The following COL13A1 variants were observed in gnomAD, a reference collection of about 807,000 sequenced individuals.
COL13A1 encodes collagen alpha-1(XIII) chain.
In COL13A1, 89 loss-of-function variants were observed where a neutral mutation model predicts 130.9. The observed-to-expected ratio is 0.68, with a 90% CI of 0.57 to 0.81. COL13A1 has a LOEUF of 0.81. Ranked by LOEUF, COL13A1 falls within the 30% of genes least tolerant of loss-of-function variation. The pLI, the probability that COL13A1 is intolerant of heterozygous loss-of-function variation, is 0.00. For synonymous variants in COL13A1, 402 were observed against 341.6 expected (o/e 1.18, Z -1.95); for missense variants, 879 against 934.6 (o/e 0.94, Z 0.78).
intron 10 of COL13A1, 118 bp from the exon 11 acceptor site, chr10:69,894,434 T>C: frequency 8.3e-7 from 1 of 1,207,462 alleles, no homozygotes; most frequent in Non-Finnish European, 1.2e-6. Flanking sequence ...TGGGAAGACC[T>C]GGCCATGGCT....
chr10:69,866,653 T>A (rs1200576841), intron 2 of COL13A1, among the ~76,000 whole-genome samples: 1 of 152,038 alleles, frequency 6.6e-6, no homozygotes, highest in Non-Finnish European at 1.5e-5. Flanking sequence ...GCTCTACACC[T>A]CTTGACTTTT....
At chr10:69,804,216 A>C (rs2132033759) in intron 1 of COL13A1, among the ~76,000 whole-genome samples, 1 of 150,346 alleles carries the variant, frequency 6.7e-6, no homozygotes, top group African/African-American at 2.4e-5. Context: ...GGGCAGTGAG[A>C]GCTCCTCCAG....
intron 1 of COL13A1, among the ~76,000 whole-genome samples, chr10:69,813,165 A>G (rs892904112): frequency 1.3e-5 from 2 of 152,164 alleles, no homozygotes; most frequent in Admixed American, 1.3e-4. Flanking sequence ...GAGGTCCCCA[A>G]CATTCACCCC....
intron 14 of COL13A1, among the ~76,000 whole-genome samples, chr10:69,902,371 T>A (rs1388729951): frequency 6.6e-6 from 1 of 151,884 alleles, no homozygotes; most frequent in Non-Finnish European, 1.5e-5. Flanking sequence ...ACAGGGAGGG[T>A]GACAGAGGCA....
chr10:69,915,137 A>G (rs1214941631), intron 17 of COL13A1, among the ~76,000 whole-genome samples: 1 of 152,254 alleles, frequency 6.6e-6, no homozygotes, highest in Non-Finnish European at 1.5e-5. Context: ...GTCCTCTGTG[A>G]GCCGCAGTTA....
chr10:69,814,266 G>A (rs111579536), intron 1 of COL13A1, among the ~76,000 whole-genome samples: 2 of 152,356 alleles, frequency 1.3e-5, no homozygotes, highest in African/African-American at 4.8e-5. Context: ...CAGGGCTGCA[G>A]GTCAGACCCT....
At chr10:69,904,675 T>C (rs1280924416) in intron 15 of COL13A1, among the ~76,000 whole-genome samples, 5 of 152,182 alleles carry the variant, frequency 3.3e-5, no homozygotes, top group African/African-American at 4.8e-5. Context: ...CTACTTTCCA[T>C]GGGTGAGCAC....
chr10:69,848,732 A>G (rs1202719599), intron 2 of COL13A1, among the ~76,000 whole-genome samples: 3 of 152,332 alleles, frequency 2.0e-5, no homozygotes, highest in Non-Finnish European at 4.4e-5. Flanking sequence ...TTGGATCAGA[A>G]AGAGATGCCC....
At chr10:69,916,081 G>C (rs1319497947) in intron 17 of COL13A1, among the ~76,000 whole-genome samples, 4 of 152,218 alleles carry the variant, frequency 2.6e-5, no homozygotes, top group Admixed American at 1.3e-4. Flanking sequence ...GGAGGAAGAG[G>C]GTGGAAGTCC....
Position 69,894,693 on chromosome 10 carries a change from G to T in COL13A1, c.649G>T (p.Gly217Ter). 6.2e-7 allele frequency: 1 copy of T among 1,614,042 alleles called. No homozygotes were observed. Among genetic ancestry groups the T allele is most frequent in the African/African-American group, 1.3e-5 (1 of 75,062 alleles). Residue 217 changes from glycine to a stop codon, truncating the protein, a stop_gained, in exon 12 of 41, where the codon GGA becomes TGA. Coordinates refer to ENST00000645393, the MANE Select transcript of COL13A1 (RefSeq NM_001368882.1). LOFTEE classifies it high-confidence loss of function. ...PGQPGPQGQK[G>*]EKGQCGEYPH... Reference sequence around the variant, plus strand: ...TTTGTAGGGACCCCAGGGACAAAAAGGAGAAAAGGTAAGAGCAGTGGAGGT... The same window carrying T: ...TTTGTAGGGACCCCAGGGACAAAAATGAGAAAAGGTAAGAGCAGTGGAGGT...
intron 7 of COL13A1, among the ~76,000 whole-genome samples, chr10:69,881,770 G>A (rs1396769389): frequency 4.6e-5 from 7 of 152,134 alleles, no homozygotes; most frequent in Non-Finnish European, 1.0e-4. Flanking sequence ...ACTTTTACAC[G>A]TATTCACTCA....
chr10:69,824,036 G>T, intron 2 of COL13A1: 1 of 467,278 alleles, frequency 2.1e-6, no homozygotes, highest in South Asian at 1.6e-5. Flanking sequence ...CTGGTCAAGG[G>T]CAGGATATTT....
chr10:69,926,991 G>A (rs2065453778), intron 26 of COL13A1, 96 bp from the exon 27 acceptor site: 2 of 1,569,748 alleles, frequency 1.3e-6, no homozygotes, highest in Non-Finnish European at 1.8e-6. Flanking sequence ...CTCCTTTGAG[G>A]GGCCTAGCTC....
chr10:69,938,458 C>T (rs867647705), intron 34 of COL13A1, among the ~76,000 whole-genome samples: 63 of 152,228 alleles, frequency 4.1e-4, no homozygotes, highest in Middle Eastern at 3.4e-3. Context: ...GGGATGTTAG[C>T]GATCCATCCC....
chr10:69,932,539 A>C (rs1459439958), intron 30 of COL13A1, 21 bp from the exon 31 acceptor site: 1 of 1,599,118 alleles, frequency 6.3e-7, no homozygotes, highest in African/African-American at 1.3e-5. Context: ...GCATTCATGC[A>C]GTGGTGTTTT....
At chr10:69,945,422 C>A (rs2068349962) in intron 36 of COL13A1, among the ~76,000 whole-genome samples, 1 of 152,220 alleles carries the variant, frequency 6.6e-6, no homozygotes, top group African/African-American at 2.4e-5. Flanking sequence ...AGGCCCAGGA[C>A]ACCACGGGTC....
chr10:69,821,088 AG>A (rs1445475183), intron 1 of COL13A1, among the ~76,000 whole-genome samples: 4 of 152,258 alleles, frequency 2.6e-5, no homozygotes, highest in African/African-American at 9.6e-5. Flanking sequence ...CAACCTTGTC[AG>A]GGTAGGGACT....
intron 14 of COL13A1, 89 bp downstream of exon 14, chr10:69,898,851 C>T (rs1208005149): frequency 2.0e-6 from 2 of 991,374 alleles, no homozygotes; most frequent in African/African-American, 3.3e-5. Flanking sequence ...CAGAACCTCT[C>T]TCTAATTCAG....
intron 2 of COL13A1, among the ~76,000 whole-genome samples, chr10:69,834,821 C>T (rs1414178113): frequency 2.0e-5 from 3 of 152,190 alleles, no homozygotes; most frequent in Non-Finnish European, 2.9e-5. Context: ...CATGGAAATG[C>T]TGAGGGCCCT....
Sources: gnomAD v4.1 joint callset for allele counts (sites outside exome capture counted in the v4.1 genomes callset) on GRCh38, gnomAD v4.1.1 for gene constraint, MANE v1.5 for transcripts, NCBI Gene and HGNC (gene_info 2026-07-23, HGNC 2026-07-21) for gene names.